Variants in AGBL4 observed in about 807,000 individuals in gnomAD.
The protein encoded by AGBL4 is cytosolic carboxypeptidase 6.
Under a neutral mutation model 66.4 loss-of-function variants are expected in AGBL4, and 58 were observed. The observed-to-expected ratio is 0.87, with a 90% CI of 0.71 to 1.09. AGBL4 has a LOEUF of 1.09. Among genes scored for constraint, AGBL4 ranks in the 50% least tolerant of loss-of-function variants. The pLI, the probability that AGBL4 is intolerant of heterozygous loss-of-function variation, is 0.00. For synonymous variants in AGBL4, 234 were observed against 222.9 expected (o/e 1.05, Z -0.44); for missense variants, 579 against 631.0 (o/e 0.92, Z 0.88).
chr1:49,442,329 T>C (rs776217192), intron 3 of AGBL4, among the ~76,000 whole-genome samples: 21 of 152,168 alleles, frequency 1.4e-4, no homozygotes, highest in Non-Finnish European at 2.6e-4. Context: ...GAGTTGAAAG[T>C]GGGAAGACTA....
rs140771687 is a variant in AGBL4 at position 49,405,419 on chromosome 1, C to A, written c.283-159555G>T. Among the ~76,000 whole-genome samples, 37 of 152,260 alleles carry A rather than the reference C, an allele frequency of 2.4e-4. No homozygotes were observed. In the East Asian group the frequency reaches 6.9e-3, roughly 29 times the overall value. On this transcript the variant is annotated intron_variant, in intron 3 of 13. Transcript: ENST00000371839. ...TTACCTTTTTTACACTCTATTCTTT[C>A]ATCTACAAAATGGGGATGATAATAA...
rs546411023 is a variant in AGBL4 at position 49,950,113 on chromosome 1, T to C, written c.34+73650A>G. On this transcript the variant is annotated intron_variant, in intron 1 of 13. Coordinates refer to ENST00000371839, the MANE Select transcript of AGBL4 (RefSeq NM_032785.4). ...ATATATACACATATATATACATATG[T>C]ATATACACATATGTGTATATATATA... is the stretch of plus-strand genomic sequence containing the variant. Among the ~76,000 whole-genome samples the C allele has an allele frequency of 2.8e-5, 4 of 140,508 alleles. No homozygotes were observed. The East Asian group carries it at 8.3e-4, about 29-fold the overall frequency. The allele number at this position is 140,508 out of a possible 152,430, so 92.2% of individuals were successfully genotyped here.
chr1:48,818,232 T>A (rs1646231656), intron 6 of AGBL4: 2 of 717,356 alleles, frequency 2.8e-6, no homozygotes, highest in Non-Finnish European at 5.2e-6. Context: ...GCTGCGTAAA[T>A]TAGTTAATTA....
At chr1:49,518,837 C>A (rs1431757219) in intron 3 of AGBL4, among the ~76,000 whole-genome samples, 1 of 151,954 alleles carries the variant, frequency 6.6e-6, no homozygotes, top group African/African-American at 2.4e-5. Flanking sequence ...TAACTAAAAG[C>A]AGGCCAATAA....
At chr1:49,921,010 C>T (rs979035157) in intron 1 of AGBL4, among the ~76,000 whole-genome samples, 96 of 152,236 alleles carry the variant, frequency 6.3e-4, no homozygotes, top group African/African-American at 2.2e-3. Context: ...GAACACCGCA[C>T]GTTCTCACTC....
At chr1:49,654,028 T>C (rs1646065092) in intron 3 of AGBL4, among the ~76,000 whole-genome samples, 1 of 151,978 alleles carries the variant, frequency 6.6e-6, no homozygotes, top group Non-Finnish European at 1.5e-5. Flanking sequence ...ATCATCAGAT[T>C]CTCCAAGATC....
intron 5 of AGBL4, among the ~76,000 whole-genome samples, chr1:48,951,504 T>C (rs1656982273): frequency 6.6e-6 from 1 of 152,152 alleles, no homozygotes; most frequent in Non-Finnish European, 1.5e-5. Flanking sequence ...TATTAGGAAG[T>C]AGGAACTTCA....
intron 4 of AGBL4, among the ~76,000 whole-genome samples, chr1:49,108,338 C>G (rs572914807): frequency 6.6e-6 from 1 of 152,286 alleles, no homozygotes; most frequent in South Asian, 2.1e-4. Context: ...CTATTCTTCC[C>G]TTCTGGGACA....
intron 3 of AGBL4, among the ~76,000 whole-genome samples, chr1:49,288,869 G>C (rs1042398311): frequency 2.0e-5 from 3 of 152,124 alleles, no homozygotes; most frequent in Admixed American, 1.3e-4. Flanking sequence ...CTCAAATGCT[G>C]TCTGCCTGGT....
chr1:49,436,732 G>C lies in AGBL4; in HGVS notation c.283-190868C>G, dbSNP rs1458815196. Reference sequence around the variant, plus strand: ...CACAGAAATTCTTAGGAAAGGAAGGGGGTGTAGTTCCGACGACAGCTTATT... The same window carrying C: ...CACAGAAATTCTTAGGAAAGGAAGGCGGTGTAGTTCCGACGACAGCTTATT... On this transcript the variant is annotated intron_variant, in intron 3 of 13. Transcript: ENST00000371839. Among the ~76,000 whole-genome samples the C allele has an allele frequency of 2.0e-5, 3 of 152,208 alleles. No individual in the cohort carries two copies. In the East Asian group the frequency reaches 5.8e-4, roughly 29 times the overall value.
chr1:49,585,902 G>T (rs1644638157), intron 3 of AGBL4, among the ~76,000 whole-genome samples: 1 of 152,062 alleles, frequency 6.6e-6, no homozygotes, highest in South Asian at 2.1e-4. Context: ...TTTAGAATCA[G>T]ATGCCATAAA....
At chr1:49,841,781 T>G (rs571719905) in intron 2 of AGBL4, 2 of 312,280 alleles carry the variant, frequency 6.4e-6, no homozygotes, top group East Asian at 7.8e-5. Context: ...TCAGAAAATT[T>G]GCAGTCTGAC....
At chr1:49,162,566 C>G (rs1388138662) in intron 4 of AGBL4, among the ~76,000 whole-genome samples, 1 of 152,162 alleles carries the variant, frequency 6.6e-6, no homozygotes, top group African/African-American at 2.4e-5. Context: ...GAACTGCCTT[C>G]AAGTTGATCT....
intron 9 of AGBL4, among the ~76,000 whole-genome samples, chr1:48,628,452 T>C (rs1645540505): frequency 6.6e-6 from 1 of 152,174 alleles, no homozygotes; most frequent in East Asian, 1.9e-4. Flanking sequence ...GATTTTTTTT[T>C]TAGTCGTGAT....
intron 9 of AGBL4, among the ~76,000 whole-genome samples, chr1:48,630,292 G>A (rs1645572899): frequency 1.3e-5 from 2 of 152,184 alleles, no homozygotes; most frequent in South Asian, 4.1e-4. Context: ...AAGGACAGCA[G>A]GCTCCTGTTT....
At chr1:48,908,888 G>T (rs1570975678) in intron 5 of AGBL4, among the ~76,000 whole-genome samples, 2 of 146,984 alleles carry the variant, frequency 1.4e-5, no homozygotes, top group East Asian at 2.0e-4. Flanking sequence ...CCTCTTTTAT[G>T]TTCCTATATA....
intron 6 of AGBL4, among the ~76,000 whole-genome samples, chr1:48,792,842 T>C (rs1449042101): frequency 6.6e-6 from 1 of 152,200 alleles, no homozygotes; most frequent in Non-Finnish European, 1.5e-5. Flanking sequence ...ATCAGCCTTC[T>C]AGATCCCTTC....
chr1:49,917,282 C>A (rs942949281), intron 1 of AGBL4, among the ~76,000 whole-genome samples: 1 of 151,894 alleles, frequency 6.6e-6, no homozygotes, highest in African/African-American at 2.4e-5. Context: ...TTAAAAGACA[C>A]AGACTGGCAA....
intron 5 of AGBL4, among the ~76,000 whole-genome samples, chr1:48,991,182 G>T (rs1660576837): frequency 1.3e-5 from 2 of 152,128 alleles, no homozygotes; most frequent in Non-Finnish European, 2.9e-5. Context: ...TTCAGCTTTT[G>T]TTTGTCTGGG....
Sources: allele counts gnomAD v4.1 joint callset (sites outside exome capture counted in the v4.1 genomes callset), GRCh38; gene constraint gnomAD v4.1.1; transcripts MANE v1.5; gene names NCBI Gene and HGNC (gene_info 2026-07-23, HGNC 2026-07-21).